Variants in CPSF1 observed in about 807,000 individuals in gnomAD.
CPSF1 encodes the protein cleavage and polyadenylation specificity factor subunit 1.
In CPSF1, 106 loss-of-function variants were observed where a neutral mutation model predicts 175.8. The ratio of observed to expected loss-of-function variants is 0.60; its 90% confidence interval spans 0.52 to 0.71. The LOEUF (loss-of-function observed/expected upper bound fraction) is 0.71. Among genes scored for constraint, CPSF1 ranks in the 30% least tolerant of loss-of-function variants. The pLI, the probability that CPSF1 is intolerant of heterozygous loss-of-function variation, is 0.00. For missense variants in CPSF1, 1,734 were observed against 2,022.9 expected (o/e 0.86, Z 2.74); for synonymous variants, 1,024 against 858.3 (o/e 1.19, Z -3.37).
intron 16 of CPSF1, 32 bp from the exon 17 acceptor site, chr8:144,398,900 G>A: frequency 6.2e-7 from 1 of 1,609,454 alleles, no homozygotes; most frequent in Non-Finnish European, 8.5e-7. Flanking sequence ...GGTGTGATGG[G>A]GGTGTGAGCC....
chr8:144,407,843 G>A (rs1432279928), intron 2 of CPSF1, among the ~76,000 whole-genome samples: 2 of 152,138 alleles, frequency 1.3e-5, no homozygotes, highest in African/African-American at 4.8e-5. Flanking sequence ...AGTGCACCCA[G>A]CCTGAGATTC....
In CPSF1 at chr8:144,396,479, G is replaced by A; in HGVS notation, c.2848C>T (p.Pro950Ser). 6.2e-7 allele frequency: 1 copy of A among 1,608,978 alleles called. No homozygotes were observed. The highest frequency in any genetic ancestry group is 8.5e-7 in the Non-Finnish European group (1 of 1,178,440). ...CGGCCGGTCACCAAGAGCCAGTGAG[G>A]GGAGGGGCCGCAGATGAAGACCTGG... is the stretch of plus-strand genomic sequence containing the variant. The part of the protein sequence containing the change: ...YSGVFICGPS[P>S]HWLLVTGRGA... Residue 950 changes from proline (P) to serine (S), a missense_variant, in exon 26 of 38, where the codon CCT becomes TCT. This residue lies in a region of CPSF1 where 585 missense variants were observed against 584.7 expected (regional missense o/e 1.00). Transcript: ENST00000616140.
chr8:144,407,064 G>A (rs2116907222), intron 2 of CPSF1, among the ~76,000 whole-genome samples: 1 of 152,118 alleles, frequency 6.6e-6, no homozygotes, highest in South Asian at 2.1e-4. Context: ...ACAGATGCCT[G>A]CCACCACACC....
chr8:144,402,067 G>GGA (rs1554867442), intron 2 of CPSF1, among the ~76,000 whole-genome samples: 1 of 152,236 alleles, frequency 6.6e-6, no homozygotes, highest in African/African-American at 2.4e-5. Flanking sequence ...GGAAGCCAGA[G>GGA]CCAAGGGGTA....
intron 2 of CPSF1, among the ~76,000 whole-genome samples, chr8:144,407,784 C>G (rs2130783117): frequency 6.6e-6 from 1 of 152,248 alleles, no homozygotes; most frequent in African/African-American, 2.4e-5. Flanking sequence ...TGGCCTCAAG[C>G]AGTCATCCCA....
rs782792423 is a variant in CPSF1 at position 144,396,414 on chromosome 8, C to G, written c.2913G>C (p.Pro971=). The part of the protein sequence containing the change: ...LRLHPMAIDG[P]VDSFAPFHNV... Reference sequence around the variant, plus strand: ...TGTGGAATGGAGCGAAAGAGTCGACCGGGCCGTCGATGGCCATGGGGTGTA... The same window carrying G: ...TGTGGAATGGAGCGAAAGAGTCGACGGGGCCGTCGATGGCCATGGGGTGTA... Residue 971 remains proline (P), a synonymous_variant, in exon 26 of 38, where the codon CCG becomes CCC. Coordinates refer to ENST00000616140, the MANE Select transcript of CPSF1 (RefSeq NM_013291.3). 1.1e-5 allele frequency: 17 copies of G among 1,591,066 alleles called. No homozygotes were observed. In the South Asian group the frequency reaches 1.7e-4, roughly 16 times the overall value.
At position 144,394,217 on chromosome 8, in the gene CPSF1, G is replaced by A; in HGVS notation, c.3811+17C>T. 3 of 1,610,404 alleles carry A rather than the reference G, an allele frequency of 1.9e-6. No homozygotes were observed. The highest frequency in any genetic ancestry group is 2.5e-6 in the Non-Finnish European group (3 of 1,178,646). ...CCACCCCCAGAGCCTCAGCTCCCCA[G>A]GGCCCTGCCCACATACCCAGAAAAC... On this transcript the variant is annotated intron_variant, in intron 33 of 37. Coordinates refer to ENST00000616140, the MANE Select transcript of CPSF1 (RefSeq NM_013291.3).
Position 144,400,165 on chromosome 8 carries a change from C to T in CPSF1, c.937+1G>A, listed in dbSNP as rs2116872968. The T allele has an allele frequency of 5.8e-6, 9 of 1,545,372 alleles. No homozygotes were observed. Among genetic ancestry groups the T allele is most frequent in the Admixed American group, 3.7e-5 (2 of 54,694 alleles). ...CCCCGCCCCAGCCACCCCACACTCA[C>T]GAAGCGGGAAAGCCGTGGTTCCTGT... On this transcript the variant is annotated splice_donor_variant, in intron 9 of 37. Coordinates refer to ENST00000616140, the MANE Select transcript of CPSF1 (RefSeq NM_013291.3). LOFTEE classifies it high-confidence loss of function.
chr8:144,408,666 T>G (rs2116911575), intron 2 of CPSF1, among the ~76,000 whole-genome samples: 3,527 of 152,284 alleles, frequency 0.023, 139 homozygotes, highest in African/African-American at 0.081. Context: ...ATTTAGATGT[T>G]CCCCTTCCCC....
chr8:144,396,266 G>A lies in CPSF1; in HGVS notation c.2979+82C>T, dbSNP rs1820719618. ...TCCTGGTCCTCAGGGTGGAGCCAATGGTCCCTTCTCCTGTCCCCTCCCCCT... is the reference window on the plus strand; with the variant it reads ...TCCTGGTCCTCAGGGTGGAGCCAATAGTCCCTTCTCCTGTCCCCTCCCCCT... On this transcript the variant is annotated intron_variant, in intron 26 of 37. Transcript: ENST00000616140. 7.2e-6 allele frequency: 10 copies of A among 1,389,784 alleles called. No homozygotes were observed. The South Asian group carries it at 1.1e-4, about 15-fold the overall frequency. The allele number at this position is 1,389,784 out of a possible 1,614,324, so 86.1% of individuals were successfully genotyped here.
Position 144,394,633 on chromosome 8 carries a change from G to A in CPSF1, c.3567+11C>T. ...GAGCCGGGGGACACACGCCGGGTGG[G>A]ACTGGCACACCTTCTGGCCGATGGC... On this transcript the variant is annotated intron_variant, in intron 31 of 37. Transcript: ENST00000616140. 1 of 1,604,480 alleles carries A rather than the reference G, an allele frequency of 6.2e-7. No individual in the cohort carries two copies. Among genetic ancestry groups the A allele is most frequent in the African/African-American group, 1.3e-5 (1 of 74,950 alleles).
intron 5 of CPSF1, 47 bp downstream of exon 5, chr8:144,401,164 G>A (rs1460115000): frequency 1.3e-6 from 2 of 1,538,822 alleles, no homozygotes; most frequent in Non-Finnish European, 8.8e-7. Context: ...CAGGGGGAGG[G>A]AGGGTGGCTG....
chr8:144,395,419 G>A lies in CPSF1; in HGVS notation c.3096+16C>T, dbSNP rs782746851. Reference sequence around the variant, plus strand: ...AGGCCCAGAAGGTCCCTGGTGGGGTGGGGGTGGGGGCAGACCTTAGACTCC... The same window carrying A: ...AGGCCCAGAAGGTCCCTGGTGGGGTAGGGGTGGGGGCAGACCTTAGACTCC... On this transcript the variant is annotated intron_variant, in intron 27 of 37. Coordinates refer to ENST00000616140, the MANE Select transcript of CPSF1 (RefSeq NM_013291.3). The A allele has an allele frequency of 4.3e-6, 7 of 1,612,280 alleles. No homozygotes were observed. The highest frequency in any genetic ancestry group is 1.1e-5 in the South Asian group (1 of 91,062).
At position 144,397,779 on chromosome 8, in the gene CPSF1, C is replaced by T. The variant is rs1820863400; in HGVS notation, c.2174G>A (p.Ser725Asn). ...GCCCAGGCCCTCGGCCTCCGGGCCA[C>T]TGCGGCCCCCGAGCTCGTCACGGGC... ...GGARDELGGRSGPEAEGLGSE... is the reference protein window; with the variant it reads ...GGARDELGGRNGPEAEGLGSE... The change falls in exon 21 of 38, where the codon AGT becomes AAT. Residue 725 changes from serine (S) to asparagine (N), a missense_variant. Physicochemically the swap from Ser to Asn is conservative, Grantham distance 46 (BLOSUM62 1). Coordinates refer to ENST00000616140, the MANE Select transcript of CPSF1 (RefSeq NM_013291.3). 1 of 1,608,462 alleles carries T rather than the reference C, an allele frequency of 6.2e-7. No individual in the cohort carries two copies. Among genetic ancestry groups the T allele is most frequent in the Admixed American group, 1.7e-5 (1 of 59,744 alleles).
At chr8:144,400,841 G>A in intron 6 of CPSF1, 24 bp from the exon 7 acceptor site, 1 of 1,611,936 alleles carries the variant, frequency 6.2e-7, no homozygotes, top group Non-Finnish European at 8.5e-7. Context: ...GGCTTCAGCA[G>A]GAGAGGAGGG....
chr8:144,403,140 A>C (rs1175954710), intron 2 of CPSF1, among the ~76,000 whole-genome samples: 1 of 150,330 alleles, frequency 6.7e-6, no homozygotes, highest in Non-Finnish European at 1.5e-5. Flanking sequence ...TTTGTTGCCC[A>C]GGCTGGAGTG....
At position 144,409,133 on chromosome 8, in the gene CPSF1, T is replaced by A; in HGVS notation, c.26A>T (p.His9Leu). 1 of 1,612,640 alleles carries A rather than the reference T, an allele frequency of 6.2e-7. No individual in the cohort carries two copies. Among genetic ancestry groups the A allele is most frequent in the Non-Finnish European group, 8.5e-7 (1 of 1,179,550 alleles). ...GGAGAACTCCAGACCGGTGGGCGGATGCGCCTGTTTGTACACGGCGTACAT... is the reference window on the plus strand; with the variant it reads ...GGAGAACTCCAGACCGGTGGGCGGAAGCGCCTGTTTGTACACGGCGTACAT... MYAVYKQA[H>L]PPTGLEFSMY... Residue 9 changes from histidine (H) to leucine (L), a missense_variant, in exon 2 of 38, where the codon CAT becomes CTT. Physicochemically the swap from His to Leu is moderately conservative, Grantham distance 99. Transcript: ENST00000616140.
chr8:144,398,501 CAGGTCCCAGGCCCT>C lies in CPSF1; in HGVS notation c.1752+10_1752+23del. 6.2e-7 allele frequency: 1 copy of C among 1,613,694 alleles called. No individual in the cohort carries two copies. Among genetic ancestry groups the C allele is most frequent in the East Asian group, 2.2e-5 (1 of 44,866 alleles). ...CGCAGGGGACCCCAGCCCCAGGTCC[CAGGTCCCAGGCCCT>C]GCCCCTCACCATGGTGGAGTCTTCC... is the stretch of plus-strand genomic sequence containing the variant. On this transcript the variant is annotated intron_variant, in intron 18 of 37. Transcript: ENST00000616140.
intron 6 of CPSF1, 22 bp downstream of exon 6, chr8:144,400,902 G>A: frequency 6.2e-7 from 1 of 1,603,078 alleles, no homozygotes; most frequent in Admixed American, 1.7e-5. Context: ...CAGCACCACA[G>A]CCTGCCTCAG....
Sources: gnomAD v4.1 joint callset for allele counts (sites outside exome capture counted in the v4.1 genomes callset) on GRCh38, gnomAD v4.1.1 for gene constraint, gnomAD v4.1.1 regional missense constraint, MANE v1.5 for transcripts, NCBI Gene and HGNC (gene_info 2026-07-23, HGNC 2026-07-21) for gene names.